Variants in ZNF721 observed in about 807,000 individuals in gnomAD.
ZNF721 encodes the protein zinc finger protein 721.
Under a neutral mutation model 2.4 loss-of-function variants are expected in ZNF721, and 2 were observed. That is an observed-to-expected ratio of 0.82 (90% CI 0.34 to 2.58). The LOEUF is 2.58. Among genes scored for constraint, ZNF721 ranks in the 30% most tolerant of loss-of-function variants. ZNF721 has a pLI of 0.11. For missense variants in ZNF721, 1,187 were observed against 1,085.5 expected, an observed-to-expected ratio of 1.09 and a Z score of -1.31; for synonymous variants, 398 against 381.8, an observed-to-expected ratio of 1.04 and a Z score of -0.50.
intron 2 of ZNF721, among the ~76,000 whole-genome samples, chr4:472,190 T>C (rs1025804756): frequency 6.6e-6 from 1 of 152,236 alleles, no homozygotes; most frequent in African/African-American, 2.4e-5. Flanking sequence ...GCCTCCCAAG[T>C]AGCTGGATTA....
At chr4:483,558 AAAAAG>A (rs1715823625) in intron 1 of ZNF721, among the ~76,000 whole-genome samples, 1 of 152,014 alleles carries the variant, frequency 6.6e-6, no homozygotes, top group Non-Finnish European at 1.5e-5. Flanking sequence ...TCTCAAAAAA[AAAAAG>A]AAAAAAAAAT....
chr4:496,704 CTTCTTT>C (rs1312025826), intron 1 of ZNF721, among the ~76,000 whole-genome samples: 2 of 126,928 alleles, frequency 1.6e-5, no homozygotes, highest in African/African-American at 5.5e-5. Context: ...AAATACATGA[CTTCTTT>C]TTTTTTTTTT....
chr4:490,272 C>T (rs550028722), intron 1 of ZNF721, among the ~76,000 whole-genome samples: 40 of 151,708 alleles, frequency 2.6e-4, no homozygotes, highest in African/African-American at 8.0e-4. Flanking sequence ...GTGAGGAGAT[C>T]GAGACCATCC....
Position 444,084 on chromosome 4 carries a change from T to G in ZNF721, c.383A>C (p.Lys128Thr). The stretch of plus-strand genomic sequence containing the variant: ...GGGTTTCTCTCCAGCATGAATTCCT[T>G]TATGTTGAGTTAGGTCTGAGAACTT... The part of the protein sequence containing the change: ...FQKFSDLTQH[K>T]GIHAGEKPYT... Residue 128 changes from lysine (K) to threonine (T), a missense_variant, in exon 3 of 3, where the codon AAA becomes ACA. Coordinates refer to ENST00000511833, the MANE Select transcript of ZNF721 (RefSeq NM_133474.4). The G allele has an allele frequency of 6.2e-7, 1 of 1,614,158 alleles. No individual in the cohort carries two copies. Among genetic ancestry groups the G allele is most frequent in the African/African-American group, 1.3e-5 (1 of 75,058 alleles).
At position 444,030 on chromosome 4, in the gene ZNF721, A is replaced by G. The variant is rs543482721; in HGVS notation, c.437T>C (p.Phe146Ser). 6.2e-7 allele frequency: 1 copy of G among 1,613,754 alleles called. No individual in the cohort carries two copies. Among genetic ancestry groups the G allele is most frequent in the Non-Finnish European group, 8.5e-7 (1 of 1,179,722 alleles). The change falls in exon 3 of 3, where the codon TTT (phenylalanine) becomes TCT (serine). Residue 146 changes from phenylalanine (F) to serine (S), a missense_variant. Physicochemically the swap from Phe to Ser is radical, Grantham distance 155. Coordinates refer to ENST00000511833, the MANE Select transcript of ZNF721 (RefSeq NM_133474.4). ...TTGATTCAGGTCTGTGTACCATCCA[A>G]AGTCTTTGCCACGTTCTTCACAAGT... is the stretch of plus-strand genomic sequence containing the variant. ...PYTCEERGKD[F>S]GWYTDLNQHK...
chr4:482,175 T>G (rs2108718685), intron 1 of ZNF721, among the ~76,000 whole-genome samples: 1 of 152,314 alleles, frequency 6.6e-6, no homozygotes, highest in Non-Finnish European at 1.5e-5. Flanking sequence ...TCGATTTTCC[T>G]TTTTTGAAAT....
intron 2 of ZNF721, among the ~76,000 whole-genome samples, chr4:457,323 T>TTA (rs1310878635): frequency 6.6e-5 from 10 of 152,138 alleles, no homozygotes; most frequent in Admixed American, 3.9e-4. Context: ...AAAAGGAACT[T>TTA]TATGGGAGCT....
intron 2 of ZNF721, among the ~76,000 whole-genome samples, chr4:459,124 G>C (rs1415489378): frequency 2.0e-5 from 3 of 152,098 alleles, no homozygotes; most frequent in African/African-American, 7.2e-5. Context: ...GTCACCACCA[G>C]GCCTGCCTTA....
intron 1 of ZNF721, among the ~76,000 whole-genome samples, chr4:477,994 G>C (rs1715677223): frequency 6.6e-6 from 1 of 152,128 alleles, no homozygotes; most frequent in African/African-American, 2.4e-5. Flanking sequence ...ACAGAAGCAG[G>C]AACCTAGACA....
At chr4:478,576 TAG>T (rs1430715456) in intron 1 of ZNF721, among the ~76,000 whole-genome samples, 1 of 152,160 alleles carries the variant, frequency 6.6e-6, no homozygotes, top group African/African-American at 2.4e-5. Context: ...TTTTATAAAA[TAG>T]ATTTTCCATT....
In ZNF721 at chr4:441,906, A is replaced by G; in HGVS notation, c.2561T>C (p.Val854Ala). ...CTCTCCAGTATGAATTCTCCTATGT[A>G]CATAAAGGATTGCTGACTGTCTAAA... ...KAFRQSAILY[V>A]HRRIHTGEKP... The change falls in exon 3 of 3, where the codon GTA becomes GCA. Residue 854 changes from valine to alanine, a missense_variant. Coordinates refer to ENST00000511833, the MANE Select transcript of ZNF721 (RefSeq NM_133474.4). 6.2e-7 allele frequency: 1 copy of G among 1,613,128 alleles called. No individual in the cohort carries two copies. Among genetic ancestry groups the G allele is most frequent in the Non-Finnish European group, 8.5e-7 (1 of 1,179,728 alleles).
At chr4:485,912 T>C (rs1301985445) in intron 1 of ZNF721, among the ~76,000 whole-genome samples, 1 of 151,844 alleles carries the variant, frequency 6.6e-6, no homozygotes, top group Admixed American at 6.6e-5. Context: ...GAGGTAGAGG[T>C]TGCAGTGAGC....
chr4:461,293 T>C (rs146610071), intron 2 of ZNF721, among the ~76,000 whole-genome samples: 178 of 152,278 alleles, frequency 1.2e-3, no homozygotes, highest in Middle Eastern at 6.8e-3. Context: ...GAAACACTAG[T>C]TCAACATACG....
intron 1 of ZNF721, among the ~76,000 whole-genome samples, chr4:475,765 C>T (rs1052370921): frequency 1.3e-5 from 2 of 151,242 alleles, no homozygotes; most frequent in Non-Finnish European, 3.0e-5. Context: ...CAACTACCAC[C>T]GAGACCTCAC....
intron 2 of ZNF721, among the ~76,000 whole-genome samples, chr4:454,319 C>T (rs138355735): frequency 9.0e-4 from 137 of 152,306 alleles, no homozygotes; most frequent in African/African-American, 3.3e-3. Context: ...GCTGCTGGTA[C>T]AATCCTGCTT....
intron 1 of ZNF721, among the ~76,000 whole-genome samples, chr4:477,065 A>C (rs1553868762): frequency 6.6e-6 from 1 of 151,882 alleles, no homozygotes. Flanking sequence ...TAAATCTACT[A>C]ACCAGGTTTG....
chr4:462,400 CTACTT>C (rs1176279872), intron 2 of ZNF721, among the ~76,000 whole-genome samples: 5 of 152,164 alleles, frequency 3.3e-5, no homozygotes, highest in African/African-American at 9.7e-5. Flanking sequence ...TTGGAGAAAA[CTACTT>C]TAAATTTCAT....
intron 2 of ZNF721, among the ~76,000 whole-genome samples, chr4:462,373 T>C (rs1417153795): frequency 6.6e-6 from 1 of 152,220 alleles, no homozygotes; most frequent in African/African-American, 2.4e-5. Flanking sequence ...AAGCTACCAC[T>C]GACTTTCTTC....
chr4:460,158 A>G (rs532924856), intron 2 of ZNF721, among the ~76,000 whole-genome samples: 4 of 152,330 alleles, frequency 2.6e-5, no homozygotes, highest in African/African-American at 9.6e-5. Context: ...TCGGCACCAC[A>G]TCGCACTTAA....
Sources: gnomAD v4.1 joint callset for allele counts (sites outside exome capture counted in the v4.1 genomes callset) on GRCh38, gnomAD v4.1.1 for gene constraint, MANE v1.5 for transcripts, NCBI Gene and HGNC (gene_info 2026-07-23, HGNC 2026-07-21) for gene names.